MANBAL: variants seen among roughly 807,000 people sequenced by gnomAD.
MANBAL encodes mannosidase beta like.
MANBAL carries 1 observed loss-of-function variant against 6.4 expected under a neutral mutation model. The observed-to-expected ratio is 0.16, with a 90% CI of 0.06 to 0.74. The LOEUF is 0.74. MANBAL is among the 30% of genes least tolerant of loss of function. The pLI, the probability that MANBAL is intolerant of heterozygous loss-of-function variation, is 0.78. For synonymous variants in MANBAL, 47 were observed against 45.8 expected (o/e 1.03, Z -0.10); for missense variants, 100 against 107.8 (o/e 0.93, Z 0.32).
chr20:37,316,455 C>T lies in MANBAL; in HGVS notation c.*40C>T. The T allele has an allele frequency of 6.4e-7, 1 of 1,560,258 alleles. No homozygotes were observed. Among genetic ancestry groups the T allele is most frequent in the African/African-American group, 1.4e-5 (1 of 73,316 alleles). ...GGAGCTGGGCGGGCAGGGAGAGGGT[C>T]TTGGGGACAGCCCTCCTGGGAATCT... On this transcript the variant is annotated 3_prime_UTR_variant, in exon 3 of 3. Transcript: ENST00000373606.
Position 37,297,349 on chromosome 20 carries a change from G to C in MANBAL, c.-56-3859G>C, listed in dbSNP as rs529178247. On this transcript the variant is annotated intron_variant, in intron 1 of 2. Coordinates refer to ENST00000373606, the MANE Select transcript of MANBAL (RefSeq NM_001003897.2). ...AGATGATGTTGGGCTCTTTCCAGAA[G>C]TCAAATCCTTCCTGGGAGGATGAAG... 2.6e-5 allele frequency: 4 copies of C among 152,308 alleles called. No homozygotes were observed. The South Asian group carries it at 8.3e-4, about 32-fold the overall frequency. 9.4% of individuals were successfully genotyped at this position (152,308 alleles called of 1,614,324 possible).
rs911581624 is a variant in MANBAL at position 37,296,247 on chromosome 20, G to A, written c.-56-4961G>A. Among the ~76,000 whole-genome samples, 12 of 152,340 alleles carry A rather than the reference G, an allele frequency of 7.9e-5. 1 individual carries two copies. The highest frequency in any genetic ancestry group is 2.6e-4 in the African/African-American group (11 of 41,592). Reference sequence around the variant, plus strand: ...TGCAGAAAGCTTTATTGGACAGTATGACATTATACCCTAACAAAAGTCTTG... The same window carrying A: ...TGCAGAAAGCTTTATTGGACAGTATAACATTATACCCTAACAAAAGTCTTG... On this transcript the variant is annotated intron_variant, in intron 1 of 2. Transcript: ENST00000373606.
At chr20:37,309,765 T>A (rs1327902523) in intron 2 of MANBAL, among the ~76,000 whole-genome samples, 1 of 152,098 alleles carries the variant, frequency 6.6e-6, no homozygotes, top group African/African-American at 2.4e-5. Context: ...GTCTTGATTT[T>A]AAACGAGGCC....
intron 2 of MANBAL, among the ~76,000 whole-genome samples, chr20:37,314,517 T>C (rs2069460688): frequency 6.6e-6 from 1 of 152,194 alleles, no homozygotes. Flanking sequence ...GGCAGACTCC[T>C]TCCTAGAGAT....
chr20:37,316,268 G>A (rs374480449), intron 2 of MANBAL, 40 bp from the exon 3 acceptor site: 1 of 1,572,738 alleles, frequency 6.4e-7, no homozygotes, highest in African/African-American at 1.4e-5. Flanking sequence ...CGTCAGGCTT[G>A]ATCCATCTAA....
chr20:37,316,253 G>T, intron 2 of MANBAL, 55 bp from the exon 3 acceptor site: 1 of 1,507,476 alleles, frequency 6.6e-7, no homozygotes, highest in Non-Finnish European at 9.1e-7. Context: ...ATCTCCTTTT[G>T]CTGGCGTCAG....
Position 37,311,129 on chromosome 20 carries a change from G to A in MANBAL, c.151-5179G>A, listed in dbSNP as rs575509015. On this transcript the variant is annotated intron_variant, in intron 2 of 2. Transcript: ENST00000373606. ...GTGGCTCGTGGTGGCTGGCTCACCAGGGCGATGGAGAGGCTCGGTGAGCAT... is the reference window on the plus strand; with the variant it reads ...GTGGCTCGTGGTGGCTGGCTCACCAAGGCGATGGAGAGGCTCGGTGAGCAT... 2.0e-5 allele frequency among the ~76,000 whole-genome samples: 3 copies of A among 152,304 alleles called. No homozygotes were observed. The South Asian group carries it at 6.2e-4, about 32-fold the overall frequency.
intron 2 of MANBAL, chr20:37,302,352 T>C: frequency 6.4e-7 from 1 of 1,550,402 alleles, no homozygotes; most frequent in Non-Finnish European, 8.7e-7. Context: ...TGGTGCTATG[T>C]ACTCCCTACT....
intron 2 of MANBAL, among the ~76,000 whole-genome samples, chr20:37,307,719 T>C (rs569863211): frequency 1.3e-5 from 2 of 149,780 alleles, no homozygotes; most frequent in Admixed American, 1.3e-4. Flanking sequence ...ATTGTGCCAC[T>C]GCACTCCAGC....
chr20:37,315,295 G>GTGGGCTGTGGTTGGCGTTCTC (rs2069483509), intron 2 of MANBAL, among the ~76,000 whole-genome samples: 1 of 152,246 alleles, frequency 6.6e-6, no homozygotes, highest in Non-Finnish European at 1.5e-5. Flanking sequence ...GACGAGGCCT[G>GTGGGCTGTGGTTGGCGTTCTC]TGGGCTGTGG....
At chr20:37,290,920 A>G (rs138673403) in intron 1 of MANBAL, among the ~76,000 whole-genome samples, 184 of 152,282 alleles carry the variant, frequency 1.2e-3, no homozygotes, top group African/African-American at 4.3e-3. Flanking sequence ...TAAAACAGTA[A>G]CTTCTGACAC....
chr20:37,308,777 G>A lies in MANBAL; in HGVS notation c.150+7364G>A, dbSNP rs1382236306. ...ACAGAGTGTTGATTCAGCCAGATAA[G>A]GTGCACGAAGGTAACTAAGCAAGTG... is the stretch of plus-strand genomic sequence containing the variant. On this transcript the variant is annotated intron_variant, in intron 2 of 2. Coordinates refer to ENST00000373606, the MANE Select transcript of MANBAL (RefSeq NM_001003897.2). Among the ~76,000 whole-genome samples the A allele has an allele frequency of 2.0e-5, 3 of 152,138 alleles. No homozygotes were observed. In the East Asian group the frequency reaches 5.8e-4, roughly 29 times the overall value.
At chr20:37,311,440 C>T (rs778514476) in intron 2 of MANBAL, among the ~76,000 whole-genome samples, 5 of 152,156 alleles carry the variant, frequency 3.3e-5, no homozygotes, top group East Asian at 1.9e-4. Context: ...GAAACAGACA[C>T]GATTGGGATT....
At chr20:37,312,955 G>C (rs1162487683) in intron 2 of MANBAL, among the ~76,000 whole-genome samples, 1 of 152,232 alleles carries the variant, frequency 6.6e-6, no homozygotes, top group East Asian at 1.9e-4. Flanking sequence ...AAACAAGAAT[G>C]AAGTTCTCAT....
chr20:37,309,843 C>T (rs1210051149), intron 2 of MANBAL, among the ~76,000 whole-genome samples: 3 of 152,106 alleles, frequency 2.0e-5, no homozygotes, highest in Non-Finnish European at 4.4e-5. Context: ...CCATTCTCAA[C>T]ACCTCAGGAC....
At chr20:37,303,815 CTGGTTACAGAA>C (rs1193632158) in intron 2 of MANBAL, among the ~76,000 whole-genome samples, 19 of 152,304 alleles carry the variant, frequency 1.2e-4, no homozygotes, top group Middle Eastern at 3.4e-3. Flanking sequence ...TTACTGAGGA[CTGGTTACAGAA>C]GCACCCTTGG....
At chr20:37,291,452 T>C (rs2068868139) in intron 1 of MANBAL, among the ~76,000 whole-genome samples, 2 of 152,218 alleles carry the variant, frequency 1.3e-5, no homozygotes, top group Non-Finnish European at 2.9e-5. Context: ...ATCTCTGTGA[T>C]CGTTTCTCAG....
intron 2 of MANBAL, chr20:37,302,266 T>A: frequency 6.4e-7 from 1 of 1,550,624 alleles, no homozygotes; most frequent in East Asian, 2.4e-5. Context: ...GTTCCCTGTG[T>A]TTCCTGTCAA....
At chr20:37,302,400 A>G (rs768440979) in intron 2 of MANBAL, 1,398 of 1,513,490 alleles carry the variant, frequency 9.2e-4, no homozygotes, top group Non-Finnish European at 1.2e-3. Context: ...TGGCTGCTGC[A>G]CATTTAGAGA....
Sources: allele counts gnomAD v4.1 joint callset (sites outside exome capture counted in the v4.1 genomes callset), GRCh38; gene constraint gnomAD v4.1.1; transcripts MANE v1.5; gene names NCBI Gene and HGNC (gene_info 2026-07-23, HGNC 2026-07-21).